Variants in TMEM164 observed in about 807,000 individuals in gnomAD.
TMEM164 encodes the protein transmembrane protein 164.
A neutral mutation model predicts 18.8 loss-of-function variants in TMEM164; 4 were observed. The ratio of observed to expected loss-of-function variants is 0.21; its 90% CI spans 0.10 to 0.49. The LOEUF (loss-of-function observed/expected upper bound fraction) is 0.49. TMEM164 is among the 20% of genes least tolerant of loss of function. TMEM164 has a pLI of 0.98. For synonymous variants in TMEM164, 86 were observed against 101.7 expected (o/e 0.85, Z 0.93); for missense variants, 108 against 239.9 (o/e 0.45, Z 3.63).
At chrX:110,068,960 A>G (rs2065542746) in intron 3 of TMEM164, among the ~76,000 whole-genome samples, 1 of 111,950 alleles carries the variant, frequency 8.9e-6, no homozygotes, top group Admixed American at 9.5e-5. Flanking sequence ...ATAGAAATCT[A>G]TCACAGTCTA....
At chrX:110,065,983 G>A (rs1342362232) in intron 2 of TMEM164, among the ~76,000 whole-genome samples, 4 of 111,654 alleles carry the variant, frequency 3.6e-5, no homozygotes, top group African/African-American at 1.3e-4. Context: ...AATTATCATC[G>A]GCTTTGTATG....
chrX:110,054,176 T>C (rs1163952602), intron 2 of TMEM164, among the ~76,000 whole-genome samples: 1 of 111,864 alleles, frequency 8.9e-6, no homozygotes, highest in African/African-American at 3.2e-5. Context: ...TTTCCTTGTA[T>C]GCAAACAGGA....
intron 3 of TMEM164, among the ~76,000 whole-genome samples, chrX:110,079,987 TA>T (rs201057758): frequency 9.0e-6 from 1 of 110,846 alleles, no homozygotes. Flanking sequence ...TAATAATAAT[TA>T]AAAAAAATGA....
chrX:110,085,278 T>C (rs1391855571), intron 3 of TMEM164, among the ~76,000 whole-genome samples: 1 of 105,645 alleles, frequency 9.5e-6, no homozygotes, highest in African/African-American at 3.4e-5. Flanking sequence ...CTCTCACCTC[T>C]GACTCCAAAA....
At chrX:110,074,221 T>C (rs1271760654) in intron 3 of TMEM164, among the ~76,000 whole-genome samples, 1 of 111,602 alleles carries the variant, frequency 9.0e-6, no homozygotes. Context: ...GATAAGAGAT[T>C]TTTTCATGTG....
At chrX:110,059,777 T>G (rs1032081107) in intron 2 of TMEM164, among the ~76,000 whole-genome samples, 1 of 112,123 alleles carries the variant, frequency 8.9e-6, no homozygotes, top group Non-Finnish European at 1.9e-5. Flanking sequence ...TGTTAGTGTA[T>G]TTTATGTGTA....
chrX:110,118,159 T>G (rs2066399355), intron 4 of TMEM164, among the ~76,000 whole-genome samples: 1 of 112,533 alleles, frequency 8.9e-6, no homozygotes, highest in South Asian at 3.6e-4. Context: ...ATGATCCACC[T>G]GCCTTGGCCT....
chrX:110,040,637 G>C (rs1935047911), intron 2 of TMEM164, among the ~76,000 whole-genome samples: 1 of 111,576 alleles, frequency 9.0e-6, no homozygotes, highest in South Asian at 3.7e-4. Flanking sequence ...TATTTTAATG[G>C]AGGCAAACTG....
chrX:110,072,801 G>A (rs1392584204), intron 3 of TMEM164, among the ~76,000 whole-genome samples: 1 of 108,245 alleles, frequency 9.2e-6, no homozygotes, highest in Non-Finnish European at 1.9e-5. Context: ...ACAAGGACAA[G>A]TATTTATTCC....
At chrX:110,061,933 T>A (rs1335618781) in intron 2 of TMEM164, among the ~76,000 whole-genome samples, 1 of 111,524 alleles carries the variant, frequency 9.0e-6, no homozygotes, top group Non-Finnish European at 1.9e-5. Context: ...AAAGGCACAA[T>A]TTCTTGATGT....
At position 110,152,142 on chromosome X, in the gene TMEM164, G is replaced by A. The variant is rs185354583; in HGVS notation, c.586+7266G>A. Among the ~76,000 whole-genome samples the A allele has an allele frequency of 7.8e-3, 789 of 101,683 alleles. 10 individuals are homozygous for A. Among genetic ancestry groups the A allele is most frequent in the African/African-American group, 0.028 (749 of 26,905 alleles). The allele number at this position is 101,683 out of a possible 115,157, so 88.3% of individuals were successfully genotyped here. A position where few individuals can be genotyped will look rare whatever the true frequency, so the allele number is the denominator to read the frequency against. Reference sequence around the variant, plus strand: ...GTGATCTCAGCTCACTGCAGCCTCCGCCTCCCGGGTTCAAGCGATTCTCCT... The same window carrying A: ...GTGATCTCAGCTCACTGCAGCCTCCACCTCCCGGGTTCAAGCGATTCTCCT... On this transcript the variant is annotated intron_variant, in intron 5 of 6. Transcript: ENST00000372068.
chrX:110,060,823 A>G (rs1397152364), intron 2 of TMEM164, among the ~76,000 whole-genome samples: 1 of 111,860 alleles, frequency 8.9e-6, no homozygotes, highest in Admixed American at 9.5e-5. Context: ...TTTTTTCATG[A>G]TTCCATTGAG....
intron 2 of TMEM164, among the ~76,000 whole-genome samples, chrX:110,066,952 A>T (rs774363127): frequency 8.1e-5 from 9 of 111,736 alleles, no homozygotes; most frequent in Admixed American, 4.7e-4. Flanking sequence ...TTATTTGCTA[A>T]ATTTGGCAAT....
At chrX:110,055,701 GA>G (rs1249027939) in intron 2 of TMEM164, among the ~76,000 whole-genome samples, 1 of 111,626 alleles carries the variant, frequency 9.0e-6, no homozygotes, top group Non-Finnish European at 1.9e-5. Flanking sequence ...GTTTGCATAG[GA>G]GGGAGCATTT....
At chrX:110,030,584 C>T (rs185698325) in intron 2 of TMEM164, among the ~76,000 whole-genome samples, 6 of 107,897 alleles carry the variant, frequency 5.6e-5, no homozygotes, top group Admixed American at 1.0e-4. Context: ...TTTTGGAGGC[C>T]GAGGCGGGCA....
intron 2 of TMEM164, among the ~76,000 whole-genome samples, chrX:110,035,365 C>G (rs1041315294): frequency 6.3e-5 from 7 of 110,508 alleles, no homozygotes; most frequent in Middle Eastern, 4.6e-3. Flanking sequence ...TGTATATTGC[C>G]AATTTTATAC....
intron 2 of TMEM164, among the ~76,000 whole-genome samples, chrX:110,059,383 A>G (rs1936006263): frequency 1.8e-5 from 2 of 111,970 alleles, no homozygotes; most frequent in South Asian, 7.4e-4. Flanking sequence ...TTGCTTTGCC[A>G]TAAGTTGAAA....
chrX:110,039,915 TG>T (rs1244507116), intron 2 of TMEM164, among the ~76,000 whole-genome samples: 3 of 111,187 alleles, frequency 2.7e-5, no homozygotes, highest in Admixed American at 1.9e-4. Flanking sequence ...GATAAGGGGT[TG>T]GGGGTGGCTC....
At chrX:110,132,562 G>T (rs1010898806) in intron 4 of TMEM164, among the ~76,000 whole-genome samples, 1 of 111,689 alleles carries the variant, frequency 9.0e-6, no homozygotes, top group Non-Finnish European at 1.9e-5. Flanking sequence ...GATATTACTT[G>T]GTTGTTTTTC....
Sources: allele counts gnomAD v4.1 joint callset (sites outside exome capture counted in the v4.1 genomes callset), GRCh38; gene constraint gnomAD v4.1.1; transcripts MANE v1.5; gene names NCBI Gene and HGNC (gene_info 2026-07-23, HGNC 2026-07-21).